Variants in TMEFF2 observed in about 807,000 individuals in gnomAD.
The protein encoded by TMEFF2 is tomoregulin-2.
A neutral mutation model predicts 53.8 loss-of-function variants in TMEFF2; 28 were observed. The observed-to-expected ratio is 0.52, with a 90% CI of 0.39 to 0.71. TMEFF2 has a LOEUF of 0.71. Among genes scored for constraint, TMEFF2 ranks in the 30% least tolerant of loss-of-function variants. The pLI is 0.00. For synonymous variants in TMEFF2, 162 were observed against 166.3 expected, an observed-to-expected ratio of 0.97 and a Z score of 0.20; for missense variants, 353 against 455.2, an observed-to-expected ratio of 0.78 and a Z score of 2.04.
chr2:192,167,726 G>T (rs746525871), intron 4 of TMEFF2, among the ~76,000 whole-genome samples: 4 of 152,156 alleles, frequency 2.6e-5, no homozygotes, highest in Non-Finnish European at 4.4e-5. Flanking sequence ...GAGGACAGGG[G>T]TAGGAGATCT....
intron 5 of TMEFF2, among the ~76,000 whole-genome samples, chr2:192,004,084 A>G (rs1477418996): frequency 1.3e-5 from 2 of 152,212 alleles, no homozygotes; most frequent in Non-Finnish European, 2.9e-5. Context: ...CATTACAAAC[A>G]TCTTCAATAA....
intron 7 of TMEFF2, among the ~76,000 whole-genome samples, chr2:191,975,532 G>C (rs1211815348): frequency 1.3e-5 from 2 of 151,586 alleles, no homozygotes; most frequent in Non-Finnish European, 2.9e-5. Flanking sequence ...CAGGAGCTTG[G>C]CAATTTTTTT....
chr2:192,089,460 C>G (rs1442096810), intron 4 of TMEFF2, among the ~76,000 whole-genome samples: 2 of 151,520 alleles, frequency 1.3e-5, no homozygotes, highest in Non-Finnish European at 2.9e-5. Flanking sequence ...AACAGACTCT[C>G]CCCACTCTTT....
chr2:192,191,834 G>T (rs755856604), intron 2 of TMEFF2, 46 bp downstream of exon 2: 5 of 1,309,960 alleles, frequency 3.8e-6, no homozygotes, highest in South Asian at 3.6e-5. Flanking sequence ...TTCCTGCTTT[G>T]CAGTCTCATT....
In TMEFF2 at chr2:191,956,352, C is replaced by T; in HGVS notation, c.772G>A (p.Ala258Thr). ...AENANKLEES[A>T]REHHIPCPEH... ...GGACAAGGTATGTGGTGTTCTCTGG[C>T]ACTTTCTTCTAATTTGTTAGCATTC... The change falls in exon 8 of 10, where the codon GCC becomes ACC. Residue 258 changes from alanine (A) to threonine (T), a missense_variant. Transcript: ENST00000272771. The T allele has an allele frequency of 6.2e-7, 1 of 1,613,670 alleles. No individual in the cohort carries two copies. The highest frequency in any genetic ancestry group is 8.5e-7 in the Non-Finnish European group (1 of 1,179,864).
Position 192,194,423 on chromosome 2 carries a change from G to C in TMEFF2, c.102C>G (p.Arg34=). The C allele has an allele frequency of 6.2e-7, 1 of 1,614,064 alleles. No homozygotes were observed. Among genetic ancestry groups the C allele is most frequent in the Non-Finnish European group, 8.5e-7 (1 of 1,180,012 alleles). Residue 34 remains arginine (R), a synonymous_variant, in exon 1 of 10, where the codon CGC becomes CGG. Transcript: ENST00000272771. This position sits in a 1 kb window ranked among gnomAD's most constrained non-coding sequence, Gnocchi z 4.2. ...LLPVMLLIVA[R]PVKLAAFPTS... ...TAGGGAAAGCAGCGAGCTTCACCGGGCGGGCTACGATGAGTAGCATGACGG... is the reference window on the plus strand; with the variant it reads ...TAGGGAAAGCAGCGAGCTTCACCGGCCGGGCTACGATGAGTAGCATGACGG...
intron 4 of TMEFF2, among the ~76,000 whole-genome samples, chr2:192,130,540 C>T (rs1283510417): frequency 2.6e-5 from 4 of 152,118 alleles, no homozygotes; most frequent in South Asian, 2.1e-4. Context: ...TTTGTTCCTG[C>T]CCCACCTTAA....
At chr2:191,994,566 G>GACAC (rs72485334) in intron 7 of TMEFF2, among the ~76,000 whole-genome samples, 1 of 149,024 alleles carries the variant, frequency 6.7e-6, no homozygotes. Context: ...AGACATGAGG[G>GACAC]ACACACACAC....
intron 4 of TMEFF2, among the ~76,000 whole-genome samples, chr2:192,106,283 A>G (rs1228581670): frequency 6.6e-6 from 1 of 151,798 alleles, no homozygotes; most frequent in East Asian, 1.9e-4. Flanking sequence ...TGCATAAAAT[A>G]TATGTACAGA....
At chr2:192,155,089 T>G (rs778043796) in intron 4 of TMEFF2, among the ~76,000 whole-genome samples, 1 of 152,016 alleles carries the variant, frequency 6.6e-6, no homozygotes, top group Admixed American at 6.6e-5. Flanking sequence ...GTGACAATTA[T>G]TAGGTTTTGG....
intron 4 of TMEFF2, among the ~76,000 whole-genome samples, chr2:192,086,301 T>C (rs1688668570): frequency 6.6e-6 from 1 of 152,146 alleles, no homozygotes. Context: ...AAGGTTTGTT[T>C]TCCTCCACAA....
At chr2:192,019,669 T>C (rs1214301841) in intron 5 of TMEFF2, among the ~76,000 whole-genome samples, 1 of 152,036 alleles carries the variant, frequency 6.6e-6, no homozygotes, top group East Asian at 1.9e-4. Flanking sequence ...CCTTGTATTT[T>C]GCATTGGCTT....
At chr2:192,111,553 G>T (rs1290588663) in intron 4 of TMEFF2, among the ~76,000 whole-genome samples, 4 of 152,104 alleles carry the variant, frequency 2.6e-5, no homozygotes, top group African/African-American at 9.7e-5. Flanking sequence ...GGGAAACAGA[G>T]CATAAAAGTT....
intron 4 of TMEFF2, among the ~76,000 whole-genome samples, chr2:192,172,783 C>T (rs533312432): frequency 2.0e-5 from 3 of 151,974 alleles, no homozygotes; most frequent in South Asian, 2.1e-4. Flanking sequence ...AGAATGTCAT[C>T]GGACTGCTGG....
intron 4 of TMEFF2, among the ~76,000 whole-genome samples, chr2:192,097,571 T>A (rs960611001): frequency 1.3e-5 from 2 of 152,214 alleles, no homozygotes; most frequent in Non-Finnish European, 2.9e-5. Flanking sequence ...CTGCTCATTT[T>A]TAATCTTAAC....
intron 4 of TMEFF2, among the ~76,000 whole-genome samples, chr2:192,149,778 TAAG>T (rs542352628): frequency 2.3e-4 from 35 of 152,082 alleles, no homozygotes; most frequent in African/African-American, 7.2e-4. Context: ...AAGAGTGTAA[TAAG>T]AAGTCTATCT....
chr2:192,063,069 A>G (rs1406702210), intron 4 of TMEFF2, among the ~76,000 whole-genome samples: 1 of 150,056 alleles, frequency 6.7e-6, no homozygotes, highest in Non-Finnish European at 1.5e-5. Context: ...TGTTCTTTTT[A>G]TTATATCCTT....
At chr2:192,143,693 C>A (rs1415971949) in intron 4 of TMEFF2, among the ~76,000 whole-genome samples, 2 of 152,004 alleles carry the variant, frequency 1.3e-5, no homozygotes, top group East Asian at 3.9e-4. Context: ...TTCCTGATTT[C>A]TTTCTTTCTG....
At chr2:192,050,706 G>A (rs1208536618) in intron 5 of TMEFF2, among the ~76,000 whole-genome samples, 17 of 152,072 alleles carry the variant, frequency 1.1e-4, no homozygotes, top group Admixed American at 9.2e-4. Flanking sequence ...ATAGACCATC[G>A]TACAGACCAT....
Sources: gnomAD v4.1 joint callset for allele counts (sites outside exome capture counted in the v4.1 genomes callset) on GRCh38, gnomAD v4.1.1 for gene constraint, Gnocchi (gnomAD v3.1) non-coding constraint, MANE v1.5 for transcripts, NCBI Gene and HGNC (gene_info 2026-07-23, HGNC 2026-07-21) for gene names.